Variants in HAUS7 observed in about 807,000 individuals in gnomAD.
HAUS7 encodes the protein HAUS augmin like complex subunit 7.
A neutral mutation model predicts 28.4 loss-of-function variants in HAUS7; 3 were observed. That is an observed-to-expected ratio of 0.11 (90% CI 0.05 to 0.27). The LOEUF (loss-of-function observed/expected upper bound fraction) is 0.27. Ranked by LOEUF, HAUS7 falls within the 10% of genes least tolerant of loss-of-function variation. HAUS7 has a pLI of 1.00. For missense variants in HAUS7, 284 were observed against 297.3 expected (o/e 0.96, Z 0.33); for synonymous variants, 165 against 132.1 (o/e 1.25, Z -1.71).
At chrX:153,478,521 C>T (rs1451557068) in intron 1 of HAUS7, among the ~76,000 whole-genome samples, 4 of 113,030 alleles carry the variant, frequency 3.5e-5, no homozygotes, top group African/African-American at 1.3e-4. Context: ...GGACCTGTGA[C>T]ATGGCTTCAC....
chrX:153,448,980 A>T (rs903482892), intron 9 of HAUS7, among the ~76,000 whole-genome samples: 9 of 112,258 alleles, frequency 8.0e-5, no homozygotes, highest in Non-Finnish European at 1.1e-4. Flanking sequence ...CTGCACACAC[A>T]ATAAACCCAA....
chrX:153,472,877 T>TG (rs1386625587), upstream of HAUS7, among the ~76,000 whole-genome samples: 1 of 57,435 alleles, frequency 1.7e-5, no homozygotes, highest in African/African-American at 7.2e-5. Context: ...GGAGGGATGT[T>TG]GGGGGGAAGC....
chrX:153,475,914 C>T (rs2089559959), intron 1 of HAUS7, among the ~76,000 whole-genome samples: 4 of 112,283 alleles, frequency 3.6e-5, no homozygotes, highest in Admixed American at 9.3e-5. Flanking sequence ...CTCGCAACCC[C>T]GCCTCCACCC....
chrX:153,470,816 C>CG (rs1273165539), upstream of HAUS7: 2 of 423,435 alleles, frequency 4.7e-6, no homozygotes, highest in African/African-American at 5.0e-5. Flanking sequence ...GGGAAGGGGG[C>CG]GGGGCGGACA....
At chrX:153,479,910 G>C (rs992837602) in intron 1 of HAUS7, among the ~76,000 whole-genome samples, 8 of 111,743 alleles carry the variant, frequency 7.2e-5, no homozygotes, top group Middle Eastern at 4.6e-3. Context: ...TAGAGGACAG[G>C]AGGCATTGGG....
intron 3 of HAUS7, among the ~76,000 whole-genome samples, chrX:153,463,464 G>A (rs951850950): frequency 3.6e-5 from 4 of 111,751 alleles, no homozygotes; most frequent in African/African-American, 9.8e-5. Context: ...TCTGGCCAGC[G>A]CTGCCTCCTG....
At chrX:153,469,823 A>T (rs2089497780) in intron 1 of HAUS7, among the ~76,000 whole-genome samples, 1 of 110,888 alleles carries the variant, frequency 9.0e-6, no homozygotes, top group African/African-American at 3.3e-5. Context: ...CTTAAGAGAG[A>T]GTCCTAGGTT....
chrX:153,469,292 T>C (rs781834302), intron 1 of HAUS7, 31 bp from the exon 2 acceptor site: 7 of 658,648 alleles, frequency 1.1e-5, no homozygotes, highest in Non-Finnish European at 1.8e-5. Context: ...CAACATTCAC[T>C]GAAAGTCCCA....
chrX:153,482,636 C>A (rs782722663), intron 1 of HAUS7: 42 of 730,744 alleles, frequency 5.7e-5, no homozygotes, highest in Non-Finnish European at 6.8e-5. Context: ...GGGGCCCTGG[C>A]CTCTAGGGGC....
chrX:153,465,048 G>T lies in HAUS7; in HGVS notation c.232C>A (p.Pro78Thr). 1 of 1,193,001 alleles carries T rather than the reference G, an allele frequency of 8.4e-7. No individual in the cohort carries two copies. Among genetic ancestry groups the T allele is most frequent in the Non-Finnish European group, 1.1e-6 (1 of 878,768 alleles). ...ILEWMCTRVW[P>T]SLQDRFSSLK... is the part of the protein sequence containing the mutation. ...GAGCTGAACCTGTCCTGCAGTGAGG[G>T]CCAGACCCTGCAGGGAAACAGCAGA... Residue 78 changes from proline to threonine, a missense_variant, in exon 3 of 10, where the codon CCC (proline) becomes ACC (threonine). Physicochemically the swap from Pro to Thr is conservative, Grantham distance 38 (BLOSUM62 -1). Coordinates refer to ENST00000370211, the MANE Select transcript of HAUS7 (RefSeq NM_001385482.1).
chrX:153,481,028 G>A (rs3020972), intron 1 of HAUS7: 462,298 of 752,372 alleles, frequency 0.61, 103,325 homozygotes, highest in East Asian at 0.99. Context: ...CAGGACAGGC[G>A]GCCTTCAGGT....
chrX:153,491,178 C>G (rs1486447533), intron 1 of HAUS7, among the ~76,000 whole-genome samples: 3 of 111,734 alleles, frequency 2.7e-5, no homozygotes, highest in Non-Finnish European at 3.8e-5. Context: ...CCTGGAGAAT[C>G]ATGGAACAAG....
Position 153,470,552 on chromosome X carries a change from C to A in HAUS7, c.6G>T (p.Ala2=). Residue 2 remains alanine, a synonymous_variant, in exon 1 of 10, where the codon GCG becomes GCT. Coordinates refer to ENST00000370211, the MANE Select transcript of HAUS7 (RefSeq NM_001385482.1). Reference sequence around the variant, plus strand: ...CACGGCCGCAGCCAGCGTCCTGCCCCGCCATGTTTCGCGCTCCGAGCCGCG... The same window carrying A: ...CACGGCCGCAGCCAGCGTCCTGCCCAGCCATGTTTCGCGCTCCGAGCCGCG... M[A]GQDAGCGRGG... The A allele has an allele frequency of 1.7e-6, 2 of 1,204,201 alleles. No homozygotes were observed. Among genetic ancestry groups the A allele is most frequent in the Non-Finnish European group, 2.2e-6 (2 of 892,132 alleles).
chrX:153,458,589 T>C (rs927721191), intron 4 of HAUS7, among the ~76,000 whole-genome samples: 3 of 112,368 alleles, frequency 2.7e-5, no homozygotes, highest in Non-Finnish European at 5.6e-5. Flanking sequence ...CATGTATATT[T>C]TCACTTCTCC....
intron 1 of HAUS7, chrX:153,494,830 G>A (rs112151463): frequency 0.25 from 22,478 of 90,305 alleles, 3,512 homozygotes; most frequent in Non-Finnish European, 0.36. Context: ...TGCCAGGGGG[G>A]CCGGGAAGCC....
intron 1 of HAUS7, among the ~76,000 whole-genome samples, chrX:153,469,646 C>G (rs2089495628): frequency 1.8e-5 from 2 of 112,805 alleles, no homozygotes; most frequent in African/African-American, 6.4e-5. Context: ...CATCTGCAAG[C>G]TCCCAGGACC....
rs1556981797 is a variant in HAUS7 at position 153,455,045 on chromosome X, T to A, written c.930+497A>T. 7.9e-6 allele frequency: 8 copies of A among 1,013,708 alleles called. No homozygotes were observed. In the Admixed American group the frequency reaches 1.7e-4, roughly 22 times the overall value. 83.5% of individuals were successfully genotyped at this position (1,013,708 alleles called of 1,213,427 possible). A position where few individuals can be genotyped will look rare whatever the true frequency, so the allele number is the denominator to read the frequency against. Reference sequence around the variant, plus strand: ...CTAAAGCCGGCTTTTTAGGTTGGCCTCTGGGGATCTCACATGTGGAACAAC... The same window carrying A: ...CTAAAGCCGGCTTTTTAGGTTGGCCACTGGGGATCTCACATGTGGAACAAC... On this transcript the variant is annotated intron_variant, in intron 8 of 9. Transcript: ENST00000370211.
intron 1 of HAUS7, among the ~76,000 whole-genome samples, chrX:153,484,752 G>A (rs2124182933): frequency 8.8e-6 from 1 of 113,234 alleles, no homozygotes; most frequent in South Asian, 3.6e-4. Context: ...AGCAGCCTGG[G>A]AGGGGCTGCC....
chrX:153,456,527 G>A lies in HAUS7; in HGVS notation c.571C>T (p.Pro191Ser). ...ECDPWPLDMQ[P>S]LLNKQSDDWQ... The stretch of plus-strand genomic sequence containing the variant: ...TCATCACTCTGCTTGTTGAGGAGGG[G>A]CTGCATGTCCAGGGGCCACGGGTCG... Residue 191 changes from proline to serine, a missense_variant, in exon 6 of 10, where the codon CCC becomes TCC. Coordinates refer to ENST00000370211, the MANE Select transcript of HAUS7 (RefSeq NM_001385482.1). 1.7e-6 allele frequency: 2 copies of A among 1,178,764 alleles called. No individual in the cohort carries two copies. Among genetic ancestry groups the A allele is most frequent in the Non-Finnish European group, 2.3e-6 (2 of 878,931 alleles).
Sources: allele counts gnomAD v4.1 joint callset (sites outside exome capture counted in the v4.1 genomes callset), GRCh38; gene constraint gnomAD v4.1.1; transcripts MANE v1.5; gene names NCBI Gene and HGNC (gene_info 2026-07-23, HGNC 2026-07-21).